Variants in CCNT1 observed in about 807,000 individuals in gnomAD.
CCNT1 encodes the protein cyclin-T1.
In CCNT1, 18 loss-of-function variants were observed where a neutral mutation model predicts 67.3. The ratio of observed to expected loss-of-function variants is 0.27; its 90% confidence interval spans 0.18 to 0.40. CCNT1 has a LOEUF of 0.40. Among genes scored for constraint, CCNT1 ranks in the 10% least tolerant of loss-of-function variants. CCNT1 has a pLI of 1.00. For synonymous variants in CCNT1, 333 were observed against 310.3 expected, an observed-to-expected ratio of 1.07 and a Z score of -0.77; for missense variants, 744 against 884.9, an observed-to-expected ratio of 0.84 and a Z score of 2.02.
intron 2 of CCNT1, among the ~76,000 whole-genome samples, chr12:48,708,660 T>C (rs1021065294): frequency 6.6e-6 from 1 of 152,214 alleles, no homozygotes; most frequent in Non-Finnish European, 1.5e-5. Context: ...GTACATGTAC[T>C]TGCATACAAA....
rs142753905 is a variant in CCNT1 at position 48,692,994 on chromosome 12, T to C, written c.*39A>G. The C allele has an allele frequency of 0.019, 25,823 of 1,356,524 alleles. 323 individuals carry two copies. Among genetic ancestry groups the C allele is most frequent in the Non-Finnish European group, 0.022 (21,729 of 1,004,590 alleles). The allele number at this position is 1,356,524 out of a possible 1,614,324, so 84.0% of individuals were successfully genotyped here. A position where few individuals can be genotyped will look rare whatever the true frequency, so the allele number is the denominator to read the frequency against. On this transcript the variant is annotated 3_prime_UTR_variant, in exon 9 of 9. Coordinates refer to ENST00000261900, the MANE Select transcript of CCNT1 (RefSeq NM_001240.4). The stretch of plus-strand genomic sequence containing the variant: ...AAAAAAAAAAGAAAAATTATGTGTT[T>C]TTTTAAAGAAGTTTTTTTCTCCTCT...
chr12:48,706,146 T>TAA (rs1940354573), intron 2 of CCNT1, among the ~76,000 whole-genome samples: 1 of 152,128 alleles, frequency 6.6e-6, no homozygotes, highest in South Asian at 2.1e-4. Context: ...CTACTAGATG[T>TAA]AAGCAGACAG....
At chr12:48,713,512 G>A (rs1423439781) in intron 2 of CCNT1, among the ~76,000 whole-genome samples, 2 of 152,352 alleles carry the variant, frequency 1.3e-5, no homozygotes, top group Non-Finnish European at 2.9e-5. Flanking sequence ...TGCCAGGAAT[G>A]GCGGCTCATG....
Position 48,693,395 on chromosome 12 carries a change from G to GT in CCNT1, c.1818dup (p.Leu607ThrfsTer11). 1 of 1,614,242 alleles carries GT rather than the reference G, an allele frequency of 6.2e-7. No homozygotes were observed. The highest frequency in any genetic ancestry group is 8.5e-7 in the Non-Finnish European group (1 of 1,180,038). On this transcript the variant is annotated frameshift_variant, in exon 9 of 9. Coordinates refer to ENST00000261900, the MANE Select transcript of CCNT1 (RefSeq NM_001240.4). LOFTEE classifies it high-confidence loss of function. ...CCAGGCATCTGACCCATTGTAGGAA[G>GT]TGAAGGGAAGGAGAAATTTAGGGAA...
At chr12:48,701,991 G>A (rs1010765948) in intron 3 of CCNT1, among the ~76,000 whole-genome samples, 1 of 151,198 alleles carries the variant, frequency 6.6e-6, no homozygotes, top group Admixed American at 6.6e-5. Context: ...CTGCCTCCCA[G>A]GTTCAAGCGA....
In CCNT1 at chr12:48,693,298, A is replaced by G; in HGVS notation, c.1916T>C (p.Leu639Pro). Residue 639 changes from leucine (L) to proline (P), a missense_variant, in exon 9 of 9, where the codon CTG becomes CCG. Physicochemically the swap from Leu to Pro is moderately conservative, Grantham distance 98. Around this residue, in one of 3 missense-constraint regions of CCNT1, gnomAD observed 564 missense variants for 574.2 expected, o/e 0.98. Coordinates refer to ENST00000261900, the MANE Select transcript of CCNT1 (RefSeq NM_001240.4). ...SCKTRVPHSK[L>P]DKGPTGANGH... ...ATTGGCCCCAGTGGGCCCTTTATCC[A>G]GTTTCGAATGAGGGACACGAGTTTT... The G allele has an allele frequency of 6.2e-7, 1 of 1,614,234 alleles. No homozygotes were observed. Among genetic ancestry groups the G allele is most frequent in the Non-Finnish European group, 8.5e-7 (1 of 1,180,036 alleles).
chr12:48,696,769 A>G (rs933688202), intron 6 of CCNT1, among the ~76,000 whole-genome samples: 1 of 152,194 alleles, frequency 6.6e-6, no homozygotes, highest in African/African-American at 2.4e-5. Context: ...GTTACTAGGG[A>G]TATCATTGGT....
In CCNT1 at chr12:48,691,022, T is replaced by C. The variant is rs141179863; in HGVS notation, c.*2011A>G. On this transcript the variant is annotated 3_prime_UTR_variant, in exon 9 of 9. Coordinates refer to ENST00000261900, the MANE Select transcript of CCNT1 (RefSeq NM_001240.4). ...TATCTACCAATTATCTAACACAACA[T>C]AGAAAATATCAAGGGGAAAGAGGAA... The C allele has an allele frequency of 1.0e-3, 157 of 152,196 alleles. No homozygotes were observed. Among genetic ancestry groups the C allele is most frequent in the African/African-American group, 3.7e-3 (152 of 41,536 alleles). The allele number at this position is 152,196 out of a possible 1,614,324, so 9.4% of individuals were successfully genotyped here.
At position 48,716,668 on chromosome 12, in the gene CCNT1, C is replaced by T. The variant is rs140731025; in HGVS notation, c.8G>A (p.Gly3Glu). 242 of 1,613,798 alleles carry T rather than the reference C, an allele frequency of 1.5e-4. No individual in the cohort carries two copies. The highest frequency in any genetic ancestry group is 2.0e-4 in the Non-Finnish European group (233 of 1,179,842). Reference protein sequence around the residue: MEGERKNNNKRWY... With the variant: MEEERKNNNKRWY... ...CCGTTTGTTGTTGTTCTTCCTCTCT[C>T]CCTCCATAGTGCTTCAACCAGAAGG... The change falls in exon 1 of 9, where the codon GGA becomes GAA. Residue 3 changes from glycine to glutamate, a missense_variant. Transcript: ENST00000261900.
chr12:48,710,204 G>C (rs1230989823), intron 2 of CCNT1, among the ~76,000 whole-genome samples: 1 of 151,826 alleles, frequency 6.6e-6, no homozygotes, highest in Non-Finnish European at 1.5e-5. Flanking sequence ...TAATACCTTT[G>C]TAATAAGAAA....
chr12:48,697,252 G>T (rs1240188601), intron 6 of CCNT1, among the ~76,000 whole-genome samples: 1 of 152,066 alleles, frequency 6.6e-6, no homozygotes. Flanking sequence ...AGGCACAGTG[G>T]TTTACACCTG....
chr12:48,694,530 G>A (rs1940139798), intron 8 of CCNT1, 94 bp from the exon 9 acceptor site: 5 of 1,114,200 alleles, frequency 4.5e-6, no homozygotes, highest in African/African-American at 3.1e-5. Flanking sequence ...AACACTGGAA[G>A]TTCTGGATAG....
intron 3 of CCNT1, chr12:48,705,496 C>T (rs1472258299): frequency 3.1e-6 from 1 of 322,658 alleles, no homozygotes; most frequent in Non-Finnish European, 5.6e-6. Context: ...TGGTCTTAAA[C>T]TTCTGGCCTA....
intron 3 of CCNT1, among the ~76,000 whole-genome samples, chr12:48,704,426 C>T (rs1482792413): frequency 6.6e-6 from 1 of 152,152 alleles, no homozygotes; most frequent in African/African-American, 2.4e-5. Context: ...TGCAAGGGAT[C>T]TAATTTGCTG....
At chr12:48,697,522 T>TAAAAAAAAA (rs1205232506) in intron 6 of CCNT1, among the ~76,000 whole-genome samples, 4 of 116,800 alleles carry the variant, frequency 3.4e-5, no homozygotes, top group Admixed American at 9.0e-5. Flanking sequence ...GACTCTGTCT[T>TAAAAAAAAA]AAAAAAAAAA....
Position 48,693,189 on chromosome 12 carries a change from G to T in CCNT1, c.2025C>A (p.Pro675=). 1 of 1,614,164 alleles carries T rather than the reference G, an allele frequency of 6.2e-7. No homozygotes were observed. The highest frequency in any genetic ancestry group is 8.5e-7 in the Non-Finnish European group (1 of 1,180,022). The change falls in exon 9 of 9, where the codon CCC becomes CCA. Residue 675 remains proline (P), a synonymous_variant. Transcript: ENST00000261900. ...HSLLSAQGVQ[P]TQPTAFEFVR... ...CAAATTCAAATGCAGTGGGCTGAGT[G>T]GGCTGAACACCCTGGGCACTGAGCA...
At chr12:48,707,527 G>C (rs1940381089) in intron 2 of CCNT1, among the ~76,000 whole-genome samples, 1 of 151,880 alleles carries the variant, frequency 6.6e-6, no homozygotes, top group Non-Finnish European at 1.5e-5. Flanking sequence ...AAGTAATTCT[G>C]TCTCTGCCTC....
intron 6 of CCNT1, among the ~76,000 whole-genome samples, chr12:48,696,958 G>A (rs1940178700): frequency 6.6e-6 from 1 of 151,962 alleles, no homozygotes; most frequent in Non-Finnish European, 1.5e-5. Context: ...TCAGCCTCCC[G>A]AGTAGCTGGT....
At position 48,716,579 on chromosome 12, in the gene CCNT1, T is replaced by C. The variant is rs756221706; in HGVS notation, c.97A>G (p.Lys33Glu). Reference protein sequence around the residue: ...PSRRFGVDPDKELSYRQQAAN... With the variant: ...PSRRFGVDPDEELSYRQQAAN... ...GCCTGCTGGCGATAAGAAAGTTCTT[T>C]ATCTGGGTCCACGCCAAAACGACGG... is the stretch of plus-strand genomic sequence containing the variant. The change falls in exon 1 of 9, where the codon AAA becomes GAA. Residue 33 changes from lysine (K) to glutamate (E), a missense_variant. Transcript: ENST00000261900. 6.2e-7 allele frequency: 1 copy of C among 1,614,256 alleles called. No homozygotes were observed. Among genetic ancestry groups the C allele is most frequent in the East Asian group, 2.2e-5 (1 of 44,888 alleles).
Sources: allele counts gnomAD v4.1 joint callset (sites outside exome capture counted in the v4.1 genomes callset), GRCh38; gene constraint gnomAD v4.1.1; regional missense constraint gnomAD v4.1.1; transcripts MANE v1.5; gene names NCBI Gene and HGNC (gene_info 2026-07-23, HGNC 2026-07-21).